PLSCR2: variants seen among roughly 807,000 people sequenced by gnomAD.
PLSCR2 encodes the protein PL scramblase 2.
A neutral mutation model predicts 25.3 loss-of-function variants in PLSCR2; 18 were observed. The observed-to-expected ratio is 0.71, with a 90% CI of 0.49 to 1.06. The LOEUF (loss-of-function observed/expected upper bound fraction) is 1.06, where lower values mean the gene tolerates loss of function less well. PLSCR2 is among the 50% of genes least tolerant of loss of function. PLSCR2 has a pLI of 0.00. For synonymous variants in PLSCR2, 88 were observed against 87.3 expected, an observed-to-expected ratio of 1.01 and a Z score of -0.04; for missense variants, 243 against 269.5, an observed-to-expected ratio of 0.90 and a Z score of 0.69.
intron 4 of PLSCR2, 151 bp downstream of exon 4, chr3:146,455,088 C>A (rs2041122982): frequency 9.8e-6 from 6 of 612,896 alleles, no homozygotes; most frequent in Non-Finnish European, 1.7e-5. Flanking sequence ...TGTTTACTTG[C>A]CTTCCTTCTT....
intron 1 of PLSCR2, among the ~76,000 whole-genome samples, chr3:146,483,489 A>ACG (rs1288741352): frequency 1.9e-5 from 2 of 107,960 alleles, no homozygotes; most frequent in African/African-American, 7.2e-5. Flanking sequence ...GTATATATAT[A>ACG]TATATATATA....
chr3:146,461,890 T>C (rs1304760534), upstream of PLSCR2: 9 of 1,497,642 alleles, frequency 6.0e-6, no homozygotes, highest in Non-Finnish European at 6.3e-6. Context: ...CTTGCGAAGT[T>C]TTCAGGAGTG....
chr3:146,473,083 TCTC>T (rs1231827055), intron 1 of PLSCR2, among the ~76,000 whole-genome samples: 1 of 152,156 alleles, frequency 6.6e-6, no homozygotes, highest in East Asian at 1.9e-4. Flanking sequence ...ATAAATTGGA[TCTC>T]CTTATTATAT....
chr3:146,438,101 T>C (rs965700378), downstream of PLSCR2, among the ~76,000 whole-genome samples: 4 of 152,248 alleles, frequency 2.6e-5, no homozygotes, highest in Non-Finnish European at 5.9e-5. Context: ...AGTTTCTTAA[T>C]CCTTAGTTCT....
downstream of PLSCR2, among the ~76,000 whole-genome samples, chr3:146,437,666 C>T (rs10935630): frequency 0.48 from 73,286 of 151,636 alleles, 18,679 homozygotes; most frequent in South Asian, 0.7. Flanking sequence ...TCTCTCTTTT[C>T]TTCTTTATTA....
At chr3:146,422,991 TC>T (rs1253234089) in intron 2 of PLSCR2, among the ~76,000 whole-genome samples, 6 of 152,094 alleles carry the variant, frequency 3.9e-5, no homozygotes, top group African/African-American at 1.4e-4. Context: ...GGTCTATATT[TC>T]TTATAGTATT....
chr3:146,462,002 T>A (rs2041605631), upstream of PLSCR2: 1 of 875,316 alleles, frequency 1.1e-6, no homozygotes, highest in South Asian at 2.0e-5. Context: ...ACATTTAGTA[T>A]TATAGGGAGG....
intron 8 of PLSCR2, among the ~76,000 whole-genome samples, chr3:146,436,241 G>A (rs566577096): frequency 5.3e-5 from 8 of 152,274 alleles, no homozygotes; most frequent in African/African-American, 1.7e-4. Context: ...GCTTAGGATT[G>A]TCTTGGCAAT....
intron 3 of PLSCR2, among the ~76,000 whole-genome samples, chr3:146,393,668 G>A (rs932098090): frequency 3.3e-5 from 5 of 151,702 alleles, no homozygotes; most frequent in African/African-American, 1.2e-4. Context: ...AATTAGCTGG[G>A]CGTGGTGGCA....
intron 8 of PLSCR2, among the ~76,000 whole-genome samples, chr3:146,434,156 G>T (rs760881694): frequency 2.0e-5 from 3 of 152,018 alleles, no homozygotes; most frequent in Non-Finnish European, 2.9e-5. Flanking sequence ...TTAAAAATGA[G>T]ATAATAAAAC....
chr3:146,443,842 T>G (rs2040393102), intron 6 of PLSCR2, among the ~76,000 whole-genome samples: 1 of 151,890 alleles, frequency 6.6e-6, no homozygotes, highest in African/African-American at 2.4e-5. Context: ...ACTTTAAGAT[T>G]CATTGTTAGG....
At chr3:146,435,987 A>G (rs2039830934) in intron 8 of PLSCR2, among the ~76,000 whole-genome samples, 1 of 152,222 alleles carries the variant, frequency 6.6e-6, no homozygotes, top group African/African-American at 2.4e-5. Context: ...AGCTTTCTAC[A>G]TATGGCTAGC....
At chr3:146,485,411 A>C (rs575249339) in intron 1 of PLSCR2, among the ~76,000 whole-genome samples, 2 of 152,108 alleles carry the variant, frequency 1.3e-5, no homozygotes, top group East Asian at 3.9e-4. Context: ...AATTAACAAG[A>C]ATATCTAATA....
intron 8 of PLSCR2, among the ~76,000 whole-genome samples, chr3:146,436,341 T>C (rs961348822): frequency 2.0e-5 from 3 of 152,212 alleles, no homozygotes; most frequent in Non-Finnish European, 2.9e-5. Context: ...GGGGATGGCA[T>C]TGAATCTATA....
At chr3:146,468,394 A>G (rs979924597) in intron 1 of PLSCR2, among the ~76,000 whole-genome samples, 38 of 152,240 alleles carry the variant, frequency 2.5e-4, no homozygotes, top group African/African-American at 9.2e-4. Flanking sequence ...TCTCAGTGTC[A>G]TAAGCGGGAA....
chr3:146,464,107 A>C, upstream of PLSCR2: 13 of 231,430 alleles, frequency 5.6e-5, no homozygotes, highest in Non-Finnish European at 7.8e-5. Context: ...TGTGGACCTC[A>C]TCAAGTCAGA....
Position 146,442,095 on chromosome 3 carries a change from C to T in PLSCR2, c.646-274G>A, listed in dbSNP as rs115291199. ...AATTTCTGTAAATGTCACTTTTATC[C>T]TCCTGAAATCATCCTTTTTCAATCT... On this transcript the variant is annotated intron_variant, in intron 6 of 6. Coordinates refer to ENST00000610787, the Ensembl canonical transcript of PLSCR2. Among the ~76,000 whole-genome samples the T allele has an allele frequency of 3.4e-3, 523 of 152,028 alleles. 2 individuals are homozygous for T. The highest frequency in any genetic ancestry group is 0.012 in the African/African-American group (500 of 41,514).
At chr3:146,468,779 T>C (rs180711202) in intron 1 of PLSCR2, among the ~76,000 whole-genome samples, 13 of 151,850 alleles carry the variant, frequency 8.6e-5, no homozygotes, top group African/African-American at 3.1e-4. Flanking sequence ...ATGATTCATG[T>C]CCGTTGCATT....
chr3:146,421,157 T>C (rs2039136177), intron 2 of PLSCR2, among the ~76,000 whole-genome samples: 2 of 152,040 alleles, frequency 1.3e-5, no homozygotes. Flanking sequence ...TGTTTAATCA[T>C]AAATCAGAAG....
Sources: gnomAD v4.1 joint callset for allele counts (sites outside exome capture counted in the v4.1 genomes callset) on GRCh38, gnomAD v4.1.1 for gene constraint, MANE v1.5 for transcripts, NCBI Gene and HGNC (gene_info 2026-07-23, HGNC 2026-07-21) for gene names.